The following CERKL variants were observed in gnomAD, a reference collection of about 807,000 sequenced individuals.
CERKL encodes the protein ceramide kinase-like protein.
A neutral mutation model predicts 63.4 loss-of-function variants in CERKL; 61 were observed. The observed-to-expected ratio is 0.96, with a 90% CI of 0.78 to 1.19. CERKL has a LOEUF of 1.19. CERKL is among the 50% of genes most tolerant of loss of function. The pLI, the probability that CERKL is intolerant of heterozygous loss-of-function variation, is 0.00. For missense variants in CERKL, 675 were observed against 655.5 expected, an observed-to-expected ratio of 1.03 and a Z score of -0.33; for synonymous variants, 250 against 230.5, an observed-to-expected ratio of 1.08 and a Z score of -0.77.
In CERKL at chr2:181,536,768, A is replaced by T. The variant is rs1460545579; in HGVS notation, c.*1416T>A. On this transcript the variant is annotated 3_prime_UTR_variant, in exon 13 of 13. Coordinates refer to ENST00000410087, the MANE Select transcript of CERKL (RefSeq NM_201548.5). ...GATTTTAAAAAATTTCTTTAAATAC[A>T]ATCATTTTTGTAATATTTATTTTAT... The T allele has an allele frequency of 4.0e-6, 1 of 248,390 alleles. No homozygotes were observed. Among genetic ancestry groups the T allele is most frequent in the Non-Finnish European group, 8.1e-6 (1 of 123,618 alleles). The allele number at this position is 248,390 out of a possible 1,614,324, so 15.4% of individuals were successfully genotyped here.
chr2:181,577,884 T>C (rs1411761581), intron 2 of CERKL, among the ~76,000 whole-genome samples: 2 of 152,166 alleles, frequency 1.3e-5, no homozygotes, highest in Non-Finnish European at 2.9e-5. Flanking sequence ...CAATGCTGCC[T>C]GGAGCTGAAG....
intron 1 of CERKL, among the ~76,000 whole-genome samples, chr2:181,612,034 T>C (rs1330746278): frequency 6.6e-6 from 1 of 152,224 alleles, no homozygotes; most frequent in Non-Finnish European, 1.5e-5. Context: ...TTCTCTGTAC[T>C]TCATTTGTAT....
At chr2:181,610,894 C>G (rs1685939312) in intron 1 of CERKL, among the ~76,000 whole-genome samples, 1 of 152,054 alleles carries the variant, frequency 6.6e-6, no homozygotes, top group Non-Finnish European at 1.5e-5. Context: ...CAGGAATTTA[C>G]TCTAAGGGAA....
intron 1 of CERKL, among the ~76,000 whole-genome samples, chr2:181,633,736 C>G (rs1687062868): frequency 6.6e-6 from 1 of 152,154 alleles, no homozygotes; most frequent in African/African-American, 2.4e-5. Flanking sequence ...AAGAAGGGAT[C>G]CTAACTACAA....
chr2:181,562,378 C>T (rs2105826677), intron 4 of CERKL, among the ~76,000 whole-genome samples: 1 of 152,294 alleles, frequency 6.6e-6, no homozygotes, highest in East Asian at 1.9e-4. Context: ...CTACTGTGGG[C>T]ACATGTTCTC....
At chr2:181,611,568 C>T (rs1419597878) in intron 1 of CERKL, among the ~76,000 whole-genome samples, 2 of 151,918 alleles carry the variant, frequency 1.3e-5, no homozygotes, top group African/African-American at 2.4e-5. Context: ...TCCTGTGGTC[C>T]CAGCTACTCA....
At chr2:181,596,364 C>A (rs1233237692) in intron 2 of CERKL, among the ~76,000 whole-genome samples, 1 of 152,096 alleles carries the variant, frequency 6.6e-6, no homozygotes, top group East Asian at 1.9e-4. Context: ...GCCACCAGGG[C>A]CCGTGAGAAG....
chr2:181,645,704 T>C (rs1687641532), intron 1 of CERKL, among the ~76,000 whole-genome samples: 1 of 152,252 alleles, frequency 6.6e-6, no homozygotes, highest in Non-Finnish European at 1.5e-5. Flanking sequence ...CCTTTTGGGC[T>C]TAAAAATGGT....
At chr2:181,616,423 A>G (rs1321874674) in intron 1 of CERKL, among the ~76,000 whole-genome samples, 1 of 152,054 alleles carries the variant, frequency 6.6e-6, no homozygotes, top group Non-Finnish European at 1.5e-5. Flanking sequence ...TGTGTTAGCC[A>G]GGACGGTCTC....
intron 2 of CERKL, among the ~76,000 whole-genome samples, chr2:181,598,086 C>T (rs1467089254): frequency 6.6e-6 from 1 of 152,182 alleles, no homozygotes; most frequent in Non-Finnish European, 1.5e-5. Context: ...TGGGGGCCAG[C>T]ACAGGTACTC....
At position 181,563,970 on chromosome 2, in the gene CERKL, C is replaced by T. The variant is rs568303978; in HGVS notation, c.677+2088G>A. Among the ~76,000 whole-genome samples, 4 of 152,152 alleles carry T rather than the reference C, an allele frequency of 2.6e-5. No individual in the cohort carries two copies. In the South Asian group the frequency reaches 8.3e-4, roughly 32 times the overall value. ...CTTTTTTGTGGGAAGATAATTTTTC[C>T]ATGGACTGCAGGGTGGGGTGGGAGA... On this transcript the variant is annotated intron_variant, in intron 4 of 12. Transcript: ENST00000410087.
rs576142350 is a variant in CERKL at position 181,544,932 on chromosome 2, G to A, written c.1269-136C>T. 1,994 of 539,512 alleles carry A rather than the reference G, an allele frequency of 3.7e-3. 6 individuals are homozygous for A. The highest frequency in any genetic ancestry group is 4.9e-3 in the Non-Finnish European group (1,486 of 306,388). The allele number at this position is 539,512 out of a possible 1,614,324, so 33.4% of individuals were successfully genotyped here. A position where few individuals can be genotyped will look rare whatever the true frequency, so the allele number is the denominator to read the frequency against. ...CAAGATAGATAAATCACCATGTTAC[G>A]TTTACCTAAAATTCATAAACCGTAT... On this transcript the variant is annotated intron_variant, in intron 10 of 12. Coordinates refer to ENST00000410087, the MANE Select transcript of CERKL (RefSeq NM_201548.5).
rs114784987 is a variant in CERKL at position 181,538,537 on chromosome 2, T to G, written c.1539-293A>C. Among the ~76,000 whole-genome samples the G allele has an allele frequency of 9.6e-3, 1,455 of 152,266 alleles. 27 individuals are homozygous for G. Among genetic ancestry groups the G allele is most frequent in the African/African-American group, 0.033 (1,367 of 41,558 alleles). On this transcript the variant is annotated intron_variant, in intron 12 of 12. Coordinates refer to ENST00000410087, the MANE Select transcript of CERKL (RefSeq NM_201548.5). ...TGTCTAGTGGGCACCCCTGCATGCTTCTTCTAACCACTGAGTGTCACAATG... is the reference window on the plus strand; with the variant it reads ...TGTCTAGTGGGCACCCCTGCATGCTGCTTCTAACCACTGAGTGTCACAATG...
intron 1 of CERKL, among the ~76,000 whole-genome samples, chr2:181,621,887 C>T (rs1406765966): frequency 2.0e-5 from 3 of 152,076 alleles, no homozygotes; most frequent in South Asian, 2.1e-4. Flanking sequence ...CTGCATCAAA[C>T]CTTAATTTCA....
At chr2:181,620,766 C>T (rs1302570431) in intron 1 of CERKL, among the ~76,000 whole-genome samples, 1 of 152,138 alleles carries the variant, frequency 6.6e-6, no homozygotes, top group African/African-American at 2.4e-5. Context: ...TTGGGGTGCA[C>T]AGTGGCAGGG....
At chr2:181,556,398 C>A (rs566310598) in intron 5 of CERKL, among the ~76,000 whole-genome samples, 1 of 152,020 alleles carries the variant, frequency 6.6e-6, no homozygotes, top group Non-Finnish European at 1.5e-5. Flanking sequence ...CCCACCTTCC[C>A]CCACCCCACA....
intron 3 of CERKL, among the ~76,000 whole-genome samples, chr2:181,567,560 T>C (rs1688719043): frequency 6.6e-6 from 1 of 152,114 alleles, no homozygotes; most frequent in South Asian, 2.1e-4. Flanking sequence ...TAGCAATTTT[T>C]TAAGTAACAT....
chr2:181,655,382 C>A (rs1967351), intron 1 of CERKL, among the ~76,000 whole-genome samples: 2 of 152,210 alleles, frequency 1.3e-5, no homozygotes, highest in Non-Finnish European at 2.9e-5. Flanking sequence ...GTAGGTTAAA[C>A]TGGCTCTTTG....
chr2:181,645,455 C>G (rs1316671332), intron 1 of CERKL, among the ~76,000 whole-genome samples: 1 of 152,232 alleles, frequency 6.6e-6, no homozygotes, highest in East Asian at 1.9e-4. Context: ...CTCCACCTGC[C>G]CTGTTCACTG....
Sources: allele counts gnomAD v4.1 joint callset (sites outside exome capture counted in the v4.1 genomes callset), GRCh38; gene constraint gnomAD v4.1.1; transcripts MANE v1.5; gene names NCBI Gene and HGNC (gene_info 2026-07-23, HGNC 2026-07-21).